HHLA2: variants seen among roughly 807,000 people sequenced by gnomAD.
HHLA2 encodes the protein HHLA2 member of B7 family.
Under a neutral mutation model 45.9 loss-of-function variants are expected in HHLA2, and 48 were observed. That is an observed-to-expected ratio of 1.05 (90% confidence interval 0.83 to 1.33). HHLA2 has a LOEUF of 1.33. HHLA2 is among the 40% of genes most tolerant of loss of function. HHLA2 has a pLI of 0.00. For synonymous variants in HHLA2, 161 were observed against 173.9 expected (o/e 0.93, Z 0.59); for missense variants, 462 against 494.3 (o/e 0.93, Z 0.62).
chr3:108,376,803 GAGA>G (rs76519752), intron 10 of HHLA2: 27,896 of 415,940 alleles, frequency 0.067, 1,430 homozygotes, highest in African/African-American at 0.18. Context: ...GTTATTTGTA[GAGA>G]AGATCTCCAA....
intron 3 of HHLA2, among the ~76,000 whole-genome samples, chr3:108,338,340 C>T (rs1210424194): frequency 6.6e-6 from 1 of 151,980 alleles, no homozygotes; most frequent in Non-Finnish European, 1.5e-5. Flanking sequence ...TATAGAAACA[C>T]ATTTCAAATG....
chr3:108,356,042 T>TTTC (rs1270822059), intron 6 of HHLA2, among the ~76,000 whole-genome samples: 2 of 148,624 alleles, frequency 1.3e-5, no homozygotes, highest in Non-Finnish European at 3.0e-5. Flanking sequence ...TTTTTTTTTT[T>TTTC]TTTTTGAGAT....
intron 1 of HHLA2, among the ~76,000 whole-genome samples, chr3:108,307,618 G>C (rs2080951736): frequency 6.7e-6 from 1 of 150,118 alleles, no homozygotes; most frequent in African/African-American, 2.5e-5. Flanking sequence ...TGGGCAATAA[G>C]AGTGAAACTC....
intron 2 of HHLA2, among the ~76,000 whole-genome samples, chr3:108,314,606 G>A (rs542718184): frequency 6.6e-6 from 1 of 152,272 alleles, no homozygotes; most frequent in South Asian, 2.1e-4. Context: ...CGGTCAAAAG[G>A]AAAGCTGAGA....
rs561000330 is a variant in HHLA2, at chr3:108,318,764, A to G, written c.-105+8023A>G. Among the ~76,000 whole-genome samples, 18 of 152,284 alleles carry G rather than the reference A, an allele frequency of 1.2e-4. No homozygotes were observed. The East Asian group carries it at 3.3e-3, about 28-fold the overall frequency. ...TGCCTGTGTCTGTCTTTAAGCTATA[A>G]GTTGTGTTGATCCTGCTTCTTACAA... is the stretch of plus-strand genomic sequence containing the variant. On this transcript the variant is annotated intron_variant, in intron 2 of 10. Transcript: ENST00000619531.
At chr3:108,327,465 G>A (rs914672985) in intron 2 of HHLA2, among the ~76,000 whole-genome samples, 4 of 152,136 alleles carry the variant, frequency 2.6e-5, no homozygotes, top group Admixed American at 6.6e-5. Context: ...TGTGTCCTCT[G>A]TTTCTCATCT....
At chr3:108,317,576 C>CT (rs55986913) in intron 2 of HHLA2, among the ~76,000 whole-genome samples, 16,151 of 122,548 alleles carry the variant, frequency 0.13, 1,616 homozygotes, top group East Asian at 0.51. Context: ...GAGATTACTT[C>CT]TTTTTTTTTT....
rs2081367507 is a variant in HHLA2 at position 108,330,473 on chromosome 3, CAATTAGCAAT to C, written c.-27+2128_-27+2137del. 2.0e-5 allele frequency among the ~76,000 whole-genome samples: 3 copies of C among 152,152 alleles called. No homozygotes were observed. The South Asian group carries it at 6.2e-4, about 32-fold the overall frequency. ...CAAAGGTAAAGGAATTTTGCAGATA[CAATTAGCAAT>C]AGCAATAGATTTTTGAGTTAACCAC... On this transcript the variant is annotated intron_variant, in intron 3 of 10. Coordinates refer to ENST00000619531, the Ensembl canonical transcript of HHLA2.
chr3:108,322,720 A>G (rs1186364949), intron 2 of HHLA2, among the ~76,000 whole-genome samples: 2 of 152,180 alleles, frequency 1.3e-5, no homozygotes, highest in East Asian at 1.9e-4. Context: ...AGAAAGTTCC[A>G]TGATGTAATA....
At chr3:108,317,576 CTT>C (rs55986913) in intron 2 of HHLA2, among the ~76,000 whole-genome samples, 29 of 122,474 alleles carry the variant, frequency 2.4e-4, no homozygotes, top group Non-Finnish European at 2.6e-4. Flanking sequence ...GAGATTACTT[CTT>C]TTTTTTTTTT....
At chr3:108,370,264 T>C (rs1025186858) in intron 8 of HHLA2, among the ~76,000 whole-genome samples, 1 of 152,162 alleles carries the variant, frequency 6.6e-6, no homozygotes, top group African/African-American at 2.4e-5. Context: ...CTGAGGGTCC[T>C]GACTGTTTGT....
At chr3:108,339,841 C>T (rs111804142) in intron 3 of HHLA2, among the ~76,000 whole-genome samples, 3 of 152,092 alleles carry the variant, frequency 2.0e-5, no homozygotes, top group African/African-American at 7.2e-5. Flanking sequence ...AGTGGCTGGA[C>T]CTCTCTCATT....
At chr3:108,329,051 A>G (rs2081339799) in intron 3 of HHLA2, among the ~76,000 whole-genome samples, 1 of 152,158 alleles carries the variant, frequency 6.6e-6, no homozygotes, top group Non-Finnish European at 1.5e-5. Context: ...TTGGCTCAGT[A>G]CCCAGAGAGT....
chr3:108,325,245 CTA>C (rs2081267579), intron 2 of HHLA2, among the ~76,000 whole-genome samples: 1 of 152,036 alleles, frequency 6.6e-6, no homozygotes, highest in Admixed American at 6.6e-5. Context: ...CAAAAAAAAA[CTA>C]TGTTAAAACC....
intron 1 of HHLA2, among the ~76,000 whole-genome samples, chr3:108,305,314 A>G (rs1333608593): frequency 2.0e-5 from 3 of 152,192 alleles, no homozygotes; most frequent in Admixed American, 6.6e-5. Context: ...ACAGATTACC[A>G]TGCTGGCTAC....
At chr3:108,368,534 G>GAAAA (rs1560276081) in intron 8 of HHLA2, among the ~76,000 whole-genome samples, 1 of 12,054 alleles carries the variant, frequency 8.3e-5, no homozygotes, top group East Asian at 7.8e-3. Flanking sequence ...CAAACGAAGA[G>GAAAA]CAAAAAAAAA....
rs554294202 is a variant in HHLA2 at position 108,303,764 on chromosome 3, AGTGG to A, written c.-191-6890_-191-6887del. Among the ~76,000 whole-genome samples, 22 of 152,204 alleles carry A rather than the reference AGTGG, an allele frequency of 1.4e-4. No individual in the cohort carries two copies. The South Asian group carries it at 4.6e-3, about 32-fold the overall frequency. Reference sequence around the variant, plus strand: ...TGTCAGTTTTTTATTTTGCCCAGTTAGTGGCCAGGTAATTAAATCAGTTCTGACA... The same window carrying A: ...TGTCAGTTTTTTATTTTGCCCAGTTACCAGGTAATTAAATCAGTTCTGACA... On this transcript the variant is annotated intron_variant, in intron 1 of 10. Transcript: ENST00000619531.
At chr3:108,311,076 T>C (rs945048169) in intron 2 of HHLA2, among the ~76,000 whole-genome samples, 5 of 152,198 alleles carry the variant, frequency 3.3e-5, no homozygotes, top group Admixed American at 1.3e-4. Flanking sequence ...ATCTAGCATA[T>C]GTACTTAGGA....
rs549353839 is a variant in HHLA2 at position 108,335,525 on chromosome 3, C to T, written c.-27+7178C>T. 3.3e-5 allele frequency among the ~76,000 whole-genome samples: 5 copies of T among 152,230 alleles called. No individual in the cohort carries two copies. In the South Asian group the frequency reaches 1.0e-3, roughly 32 times the overall value. On this transcript the variant is annotated intron_variant, in intron 3 of 10. Transcript: ENST00000619531. Reference sequence around the variant, plus strand: ...GGTAATACATGTCATTGTAACTTTACCTGAATGAAGATGAGGCCTAAAGTC... The same window carrying T: ...GGTAATACATGTCATTGTAACTTTATCTGAATGAAGATGAGGCCTAAAGTC...
Sources: gnomAD v4.1 joint callset for allele counts (sites outside exome capture counted in the v4.1 genomes callset) on GRCh38, gnomAD v4.1.1 for gene constraint, MANE v1.5 for transcripts, NCBI Gene and HGNC (gene_info 2026-07-23, HGNC 2026-07-21) for gene names.